IL1RAPL2: variants seen among roughly 807,000 people sequenced by gnomAD.
IL1RAPL2 encodes the protein X-linked interleukin-1 receptor accessory protein-like 2.
Under a neutral mutation model 44.1 loss-of-function variants are expected in IL1RAPL2, and 3 were observed. The ratio of observed to expected loss-of-function variants is 0.07; its 90% CI spans 0.03 to 0.18. The LOEUF is 0.18. IL1RAPL2 is among the 10% of genes least tolerant of loss of function. The pLI is 1.00. For synonymous variants in IL1RAPL2, 181 were observed against 178.8 expected (o/e 1.01, Z -0.10); for missense variants, 391 against 496.4 (o/e 0.79, Z 2.02).
chrX:105,012,672 C>CAG (rs753828552), intron 2 of IL1RAPL2, among the ~76,000 whole-genome samples: 3,543 of 49,814 alleles, frequency 0.071, 89 homozygotes, highest in East Asian at 0.17. Flanking sequence ...CACACACACA[C>CAG]ACAGAGAGAG....
rs1388751269 is a variant in IL1RAPL2 at position 104,715,110 on chromosome X, TG to T, written c.82+56118del. Among the ~76,000 whole-genome samples the T allele has an allele frequency of 5.4e-5, 6 of 110,576 alleles. No individual in the cohort carries two copies. The East Asian group carries it at 1.4e-3, about 26-fold the overall frequency. The stretch of plus-strand genomic sequence containing the variant: ...ATTCAGCTGTGAATCTATCTGGTCC[TG>T]GGCTTTTTCTCATTGGTAGGCTATT... On this transcript the variant is annotated intron_variant, in intron 2 of 10. Coordinates refer to ENST00000372582, the MANE Select transcript of IL1RAPL2 (RefSeq NM_017416.2).
At chrX:105,646,426 GT>G (rs1326920321) in intron 6 of IL1RAPL2, among the ~76,000 whole-genome samples, 1 of 111,727 alleles carries the variant, frequency 9.0e-6, no homozygotes, top group Non-Finnish European at 1.9e-5. Context: ...AGAGATAGCC[GT>G]TTTAGGAGCC....
At chrX:104,814,558 G>T (rs1921086018) in intron 2 of IL1RAPL2, among the ~76,000 whole-genome samples, 1 of 111,804 alleles carries the variant, frequency 8.9e-6, no homozygotes, top group Admixed American at 9.5e-5. Flanking sequence ...CCACCTTATT[G>T]TACAAAGCAA....
intron 2 of IL1RAPL2, among the ~76,000 whole-genome samples, chrX:105,084,983 A>T (rs2032461726): frequency 9.0e-6 from 1 of 110,842 alleles, no homozygotes; most frequent in South Asian, 3.8e-4. Flanking sequence ...TTCCTCCTAC[A>T]CACACTCTTC....
intron 1 of IL1RAPL2, among the ~76,000 whole-genome samples, chrX:104,621,007 A>G (rs1209688486): frequency 9.6e-6 from 1 of 104,303 alleles, no homozygotes; most frequent in East Asian, 2.9e-4. Context: ...CTATAATTCT[A>G]GTACCTACTG....
At position 104,798,273 on chromosome X, in the gene IL1RAPL2, G is replaced by A. The variant is rs755432455; in HGVS notation, c.82+139278G>A. 5.4e-5 allele frequency among the ~76,000 whole-genome samples: 6 copies of A among 110,929 alleles called. No homozygotes were observed. The East Asian group carries it at 1.7e-3, about 32-fold the overall frequency. On this transcript the variant is annotated intron_variant, in intron 2 of 10. Coordinates refer to ENST00000372582, the MANE Select transcript of IL1RAPL2 (RefSeq NM_017416.2). ...GGCTCCACCTGCATCGCCAGAGTCA[G>A]TCTAAGTATAATTATAGGTATCAGC... is the stretch of plus-strand genomic sequence containing the variant.
At chrX:105,298,653 T>C (rs1387893534) in intron 5 of IL1RAPL2, among the ~76,000 whole-genome samples, 1 of 110,164 alleles carries the variant, frequency 9.1e-6, no homozygotes, top group Non-Finnish European at 1.9e-5. Context: ...TGAGGGCTTT[T>C]ACTATTTAAA....
intron 2 of IL1RAPL2, among the ~76,000 whole-genome samples, chrX:105,153,987 G>A (rs1290469675): frequency 9.0e-6 from 1 of 111,525 alleles, no homozygotes; most frequent in East Asian, 2.8e-4. Flanking sequence ...CCCCACAAGA[G>A]ACAGCTTCGC....
rs763883677 is a variant in IL1RAPL2, at chrX:105,763,608, A to G, written c.1364-3356A>G. ...AAAACAAGTAAAAAGAAAAGAGAAT[A>G]AAAGGGCAGAAAAAGAAAGGGATAA... On this transcript the variant is annotated intron_variant, in intron 10 of 10. Transcript: ENST00000372582. Among the ~76,000 whole-genome samples, 5 of 110,551 alleles carry G rather than the reference A, an allele frequency of 4.5e-5. No individual in the cohort carries two copies. In the East Asian group the frequency reaches 1.4e-3, roughly 32 times the overall value.
At chrX:104,877,513 T>C (rs916083022) in intron 2 of IL1RAPL2, among the ~76,000 whole-genome samples, 3 of 112,714 alleles carry the variant, frequency 2.7e-5, no homozygotes, top group Non-Finnish European at 5.6e-5. Context: ...TTTATATCTT[T>C]CTTTTGCTTT....
intron 4 of IL1RAPL2, among the ~76,000 whole-genome samples, chrX:105,239,138 T>G (rs2034147284): frequency 9.0e-6 from 1 of 111,707 alleles, no homozygotes. Flanking sequence ...ATCTCTATAA[T>G]ACCTGATGGG....
At position 105,695,002 on chromosome X, in the gene IL1RAPL2, G is replaced by A. The variant is rs185258017; in HGVS notation, c.773-22365G>A. ...ATCATTAGTGAGCTGAGGAATCAAC[G>A]AACACTGAAAGTTGAGGAAGGTTAG... On this transcript the variant is annotated intron_variant, in intron 6 of 10. Coordinates refer to ENST00000372582, the MANE Select transcript of IL1RAPL2 (RefSeq NM_017416.2). Among the ~76,000 whole-genome samples, 85 of 111,113 alleles carry A rather than the reference G, an allele frequency of 7.6e-4. No homozygotes were observed. In the East Asian group the frequency reaches 0.01, roughly 13 times the overall value.
At chrX:105,023,743 C>T (rs1338641183) in intron 2 of IL1RAPL2, among the ~76,000 whole-genome samples, 2 of 110,720 alleles carry the variant, frequency 1.8e-5, no homozygotes, top group Non-Finnish European at 3.8e-5. Flanking sequence ...GGTTTAATTG[C>T]TCCAAATAGT....
chrX:104,989,702 A>C (rs1353972127), intron 2 of IL1RAPL2, among the ~76,000 whole-genome samples: 1 of 111,780 alleles, frequency 8.9e-6, no homozygotes, highest in East Asian at 2.8e-4. Context: ...TATCAACTCC[A>C]AAATTAGTTT....
At chrX:104,635,635 C>T (rs750011748) in intron 1 of IL1RAPL2, among the ~76,000 whole-genome samples, 8 of 112,011 alleles carry the variant, frequency 7.1e-5, no homozygotes, top group Admixed American at 4.8e-4. Context: ...TTGATCGCAT[C>T]GGCTACTGAG....
At chrX:105,564,694 G>T (rs1416850321) in intron 6 of IL1RAPL2, among the ~76,000 whole-genome samples, 1 of 111,929 alleles carries the variant, frequency 8.9e-6, no homozygotes, top group Non-Finnish European at 1.9e-5. Context: ...CGCATTGCTT[G>T]TCTTACACTG....
chrX:105,220,297 A>C, intron 3 of IL1RAPL2: 1 of 1,210,553 alleles, frequency 8.3e-7, no homozygotes, highest in Non-Finnish European at 1.1e-6. Flanking sequence ...CTCAAGATAG[A>C]ACTCGGGGCC....
At chrX:105,326,930 A>C (rs940862725) in intron 5 of IL1RAPL2, among the ~76,000 whole-genome samples, 2 of 111,669 alleles carry the variant, frequency 1.8e-5, no homozygotes, top group Non-Finnish European at 3.8e-5. Context: ...TTGATAGGCG[A>C]ATGTCTGTGT....
intron 2 of IL1RAPL2, among the ~76,000 whole-genome samples, chrX:104,862,905 C>A (rs1033514981): frequency 9.0e-6 from 1 of 111,074 alleles, no homozygotes; most frequent in South Asian, 3.8e-4. Flanking sequence ...ATTCTAGGAG[C>A]ATTGTGGAGG....
Sources: gnomAD v4.1 joint callset for allele counts (sites outside exome capture counted in the v4.1 genomes callset) on GRCh38, gnomAD v4.1.1 for gene constraint, MANE v1.5 for transcripts, NCBI Gene and HGNC (gene_info 2026-07-23, HGNC 2026-07-21) for gene names.